UNC13A: variants seen among roughly 807,000 people sequenced by gnomAD.
UNC13A encodes the protein protein unc-13 homolog A.
In UNC13A, 61 loss-of-function variants were observed where a neutral mutation model predicts 219.7. The ratio of observed to expected loss-of-function variants is 0.28; its 90% CI spans 0.23 to 0.34. The LOEUF (loss-of-function observed/expected upper bound fraction) is 0.34. Ranked by LOEUF, UNC13A falls within the 10% of genes least tolerant of loss-of-function variation. UNC13A has a pLI of 1.00. For synonymous variants in UNC13A, 920 were observed against 884.6 expected (o/e 1.04, Z -0.71); for missense variants, 1,476 against 2,270.3 (o/e 0.65, Z 7.11).
At chr19:17,684,339 T>C (rs1278326912) in intron 1 of UNC13A, among the ~76,000 whole-genome samples, 1 of 152,002 alleles carries the variant, frequency 6.6e-6, no homozygotes. Flanking sequence ...ACTCCTCAGC[T>C]CCCTTAGCCC....
At chr19:17,655,818 T>A in intron 10 of UNC13A, 65 bp downstream of exon 10, 2 of 1,454,244 alleles carry the variant, frequency 1.4e-6, no homozygotes, top group Non-Finnish European at 1.8e-6. Flanking sequence ...GCTGACCCCA[T>A]CATAGCCCTG....
chr19:17,608,137 C>G, intron 43 of UNC13A, among the ~76,000 whole-genome samples: 1 of 148,930 alleles, frequency 6.7e-6, no homozygotes. Context: ...GCCTCCACCT[C>G]CTGGGTTCAA....
intron 11 of UNC13A, among the ~76,000 whole-genome samples, chr19:17,653,890 G>A (rs1051426163): frequency 5.8e-5 from 8 of 137,840 alleles, no homozygotes; most frequent in Middle Eastern, 4.6e-3. Context: ...GCAGTGGCGC[G>A]ATCTCGGCTC....
chr19:17,680,938 G>T (rs2080003628), intron 1 of UNC13A, among the ~76,000 whole-genome samples: 3 of 111,532 alleles, frequency 2.7e-5, no homozygotes, highest in Non-Finnish European at 5.1e-5. Flanking sequence ...TGTTGCCCAG[G>T]CTCCAGGCTG....
intron 1 of UNC13A, among the ~76,000 whole-genome samples, chr19:17,681,069 CTTTTTTTTTTT>C (rs71929988): frequency 0.021 from 2,055 of 96,106 alleles, 33 homozygotes; most frequent in Non-Finnish European, 0.03. Flanking sequence ...TTGGCTATTC[CTTTTTTTTTTT>C]TTTTTTTTTT....
chr19:17,628,335 C>T (rs148509465), intron 31 of UNC13A: 12 of 226,946 alleles, frequency 5.3e-5, no homozygotes, highest in African/African-American at 2.8e-4. Context: ...CCGAGATATA[C>T]ACACGAGACC....
chr19:17,688,178 C>G lies in UNC13A; in HGVS notation c.22G>C (p.Val8Leu). 1.3e-6 allele frequency: 2 copies of G among 1,528,394 alleles called. No individual in the cohort carries two copies. The highest frequency in any genetic ancestry group is 2.7e-5 in the East Asian group (1 of 36,968). 94.7% of individuals were successfully genotyped at this position (1,528,394 alleles called of 1,614,324 possible). Residue 8 changes from valine (V) to leucine (L), a missense_variant and splice_region_variant, in exon 1 of 44, where the codon GTC becomes CTC. Transcript: ENST00000519716. The part of the protein sequence containing the change: MSLLCVG[V>L]KKAKFDGAQE... ...CCCGACCCCCAGCCTCGCCTCCTACCTCCAACGCAAAGCAGAGACATGTCT... is the reference window on the plus strand; with the variant it reads ...CCCGACCCCCAGCCTCGCCTCCTACGTCCAACGCAAAGCAGAGACATGTCT...
intron 9 of UNC13A, among the ~76,000 whole-genome samples, chr19:17,657,150 A>G (rs776183461): frequency 1.3e-5 from 2 of 151,880 alleles, no homozygotes; most frequent in Non-Finnish European, 2.9e-5. Context: ...TCTAAATCCT[A>G]CCATGGCTCC....
chr19:17,638,915 C>T (rs1028488565), intron 25 of UNC13A, among the ~76,000 whole-genome samples, 168 bp downstream of exon 25: 13 of 152,152 alleles, frequency 8.5e-5, no homozygotes, highest in African/African-American at 3.1e-4. Flanking sequence ...AAACTTACAG[C>T]TCATGAACTC....
chr19:17,610,118 G>A lies in UNC13A; in HGVS notation c.4652-19C>T. The stretch of plus-strand genomic sequence containing the variant: ...GCCACCACTGTTGGAGGAAGTAGAG[G>A]GTAAGACAGGTCAGGTTCTCCCAGT... On this transcript the variant is annotated intron_variant, in intron 42 of 43. Coordinates refer to ENST00000519716, the MANE Select transcript of UNC13A (RefSeq NM_001080421.3). The A allele has an allele frequency of 1.9e-6, 3 of 1,613,532 alleles. No homozygotes were observed. Among genetic ancestry groups the A allele is most frequent in the South Asian group, 1.1e-5 (1 of 91,072 alleles).
chr19:17,632,647 A>G, intron 28 of UNC13A, 135 bp downstream of exon 28: 1 of 1,313,718 alleles, frequency 7.6e-7, no homozygotes, highest in Non-Finnish European at 1.1e-6. Context: ...GAGAGTGGAG[A>G]ACACTGGATT....
intron 34 of UNC13A, 75 bp downstream of exon 34, chr19:17,626,558 C>G: frequency 7.0e-7 from 1 of 1,425,260 alleles, no homozygotes. Flanking sequence ...CACACCCTCT[C>G]CAGCCAGTCC....
intron 6 of UNC13A, among the ~76,000 whole-genome samples, chr19:17,667,542 C>T (rs528605948): frequency 2.6e-5 from 4 of 152,094 alleles, no homozygotes; most frequent in South Asian, 2.1e-4. Context: ...AGCGTGATCT[C>T]GGCTCACTGC....
chr19:17,680,363 C>A (rs950352616), intron 1 of UNC13A, among the ~76,000 whole-genome samples: 2 of 152,124 alleles, frequency 1.3e-5, no homozygotes, highest in African/African-American at 4.8e-5. Flanking sequence ...TCGGGTCACA[C>A]GCATGAGGCT....
chr19:17,647,002 T>TA (rs2077034374), intron 17 of UNC13A, among the ~76,000 whole-genome samples: 1 of 152,174 alleles, frequency 6.6e-6, no homozygotes, highest in Non-Finnish European at 1.5e-5. Context: ...ACTTTCCAGA[T>TA]AAACCATGCA....
intron 41 of UNC13A, among the ~76,000 whole-genome samples, chr19:17,616,639 A>C (rs1240617929): frequency 6.6e-6 from 1 of 152,154 alleles, no homozygotes; most frequent in Non-Finnish European, 1.5e-5. Flanking sequence ...CGTCAGCTGC[A>C]GACAGACGGA....
At chr19:17,611,216 C>T (rs2076600460) in intron 42 of UNC13A, among the ~76,000 whole-genome samples, 1 of 152,212 alleles carries the variant, frequency 6.6e-6, no homozygotes, top group Admixed American at 6.5e-5. Flanking sequence ...TGGAGTCTCA[C>T]TCTGTCACCC....
At chr19:17,641,731 T>G (rs140493490) in intron 20 of UNC13A, among the ~76,000 whole-genome samples, 175 bp from the exon 21 acceptor site, 6 of 150,108 alleles carry the variant, frequency 4.0e-5, no homozygotes, top group African/African-American at 1.2e-4. Flanking sequence ...ATTTCACCCA[T>G]CCACTCTTCC....
intron 19 of UNC13A, among the ~76,000 whole-genome samples, chr19:17,644,002 G>A (rs1247084817): frequency 6.6e-6 from 1 of 152,134 alleles, no homozygotes; most frequent in Non-Finnish European, 1.5e-5. Context: ...TCCGGGCTCT[G>A]CTCACCTCTC....
Sources: gnomAD v4.1 joint callset for allele counts (sites outside exome capture counted in the v4.1 genomes callset) on GRCh38, gnomAD v4.1.1 for gene constraint, MANE v1.5 for transcripts, NCBI Gene and HGNC (gene_info 2026-07-23, HGNC 2026-07-21) for gene names.